IQCM: variants seen among roughly 807,000 people sequenced by gnomAD.
The protein encoded by IQCM is IQ domain-containing protein M.
A neutral mutation model predicts 57.6 loss-of-function variants in IQCM; 45 were observed. The observed-to-expected ratio is 0.78, with a 90% confidence interval of 0.62 to 1.00. The LOEUF is 1.00. IQCM is among the 50% of genes least tolerant of loss of function. IQCM has a pLI of 0.00. For synonymous variants in IQCM, 148 were observed against 158.9 expected (o/e 0.93, Z 0.51); for missense variants, 468 against 511.6 (o/e 0.91, Z 0.82).
intron 7 of IQCM, among the ~76,000 whole-genome samples, chr4:149,641,578 A>G (rs546262087): frequency 6.6e-6 from 1 of 152,286 alleles, no homozygotes; most frequent in South Asian, 2.1e-4. Flanking sequence ...CATTTTTTAA[A>G]CACAATAAAA....
chr4:149,607,594 T>C (rs1754906400), intron 8 of IQCM, among the ~76,000 whole-genome samples: 1 of 151,876 alleles, frequency 6.6e-6, no homozygotes, highest in South Asian at 2.1e-4. Context: ...AGATAAATAA[T>C]ATAAAAGATA....
At chr4:149,397,918 T>G (rs1456189868) in intron 13 of IQCM, among the ~76,000 whole-genome samples, 1 of 152,022 alleles carries the variant, frequency 6.6e-6, no homozygotes, top group African/African-American at 2.4e-5. Context: ...GTGCAGAGCT[T>G]TTTAGTTTAA....
At chr4:149,808,939 G>A (rs1229797612) in intron 2 of IQCM, among the ~76,000 whole-genome samples, 1 of 152,058 alleles carries the variant, frequency 6.6e-6, no homozygotes, top group East Asian at 1.9e-4. Flanking sequence ...TAAAAAGGTA[G>A]CAAACACTTT....
chr4:149,720,819 C>G (rs1305841940), intron 5 of IQCM, among the ~76,000 whole-genome samples: 1 of 152,154 alleles, frequency 6.6e-6, no homozygotes, highest in African/African-American at 2.4e-5. Context: ...AGAAATTTCA[C>G]AATAAGGATC....
intron 13 of IQCM, among the ~76,000 whole-genome samples, chr4:149,363,220 G>T (rs1729613131): frequency 6.6e-6 from 1 of 152,152 alleles, no homozygotes; most frequent in Admixed American, 6.5e-5. Context: ...ACTCCTTGTG[G>T]AATCACCACA....
chr4:149,724,925 A>G (rs1358847438), intron 5 of IQCM, among the ~76,000 whole-genome samples: 4 of 152,030 alleles, frequency 2.6e-5, no homozygotes, highest in African/African-American at 9.7e-5. Context: ...AATAATTTAA[A>G]ATTTAATAAT....
At chr4:149,416,419 T>A (rs1050843775) in intron 13 of IQCM, among the ~76,000 whole-genome samples, 26 of 152,160 alleles carry the variant, frequency 1.7e-4, no homozygotes, top group Non-Finnish European at 3.8e-4. Context: ...TAGGTGAGTA[T>A]TTTCTATGCT....
chr4:149,785,630 A>G lies in IQCM; in HGVS notation c.-49+29681T>C, dbSNP rs544033444. Among the ~76,000 whole-genome samples the G allele has an allele frequency of 2.6e-4, 39 of 149,970 alleles. No individual in the cohort carries two copies. The Middle Eastern group carries it at 0.01, about 40-fold the overall frequency. The stretch of plus-strand genomic sequence containing the variant: ...ATATTATCTCAACTTTAAGCATGAA[A>G]TTGTTAAAAAATGACCCAAAAAACT... On this transcript the variant is annotated intron_variant, in intron 2 of 13. Coordinates refer to ENST00000636793, the MANE Select transcript of IQCM (RefSeq NM_001363507.2).
chr4:149,695,697 C>T (rs1165933361), intron 5 of IQCM, among the ~76,000 whole-genome samples: 1 of 151,940 alleles, frequency 6.6e-6, no homozygotes, highest in Non-Finnish European at 1.5e-5. Context: ...TAAGAGAGGG[C>T]AAATAATACA....
intron 12 of IQCM, among the ~76,000 whole-genome samples, chr4:149,469,334 C>T (rs1446422805): frequency 6.6e-6 from 1 of 152,096 alleles, no homozygotes; most frequent in Non-Finnish European, 1.5e-5. Context: ...AATCCACAAG[C>T]TTCAGCAGCT....
At chr4:149,674,035 T>C (rs931473473) in intron 7 of IQCM, among the ~76,000 whole-genome samples, 55 of 152,164 alleles carry the variant, frequency 3.6e-4, no homozygotes, top group African/African-American at 1.3e-3. Context: ...TTAAAAATTA[T>C]TTTTTCATAT....
chr4:149,469,508 G>A lies in IQCM; in HGVS notation c.1229-35951C>T, dbSNP rs190649867. On this transcript the variant is annotated intron_variant, in intron 12 of 13. Coordinates refer to ENST00000636793, the MANE Select transcript of IQCM (RefSeq NM_001363507.2). ...AAATCTACATCTGATTGGTATACCT[G>A]AAAGTGACGGGGAGAATGGAAGCAA... 4.3e-3 allele frequency among the ~76,000 whole-genome samples: 651 copies of A among 152,344 alleles called. 3 individuals carry two copies. The highest frequency in any genetic ancestry group is 0.01 in the Middle Eastern group (3 of 294).
intron 12 of IQCM, among the ~76,000 whole-genome samples, chr4:149,519,305 T>C (rs1199156769): frequency 6.6e-6 from 1 of 152,220 alleles, no homozygotes; most frequent in Non-Finnish European, 1.5e-5. Flanking sequence ...TTTGCTTTTC[T>C]ATTAATCAGA....
At chr4:149,808,929 T>G (rs1165534257) in intron 2 of IQCM, among the ~76,000 whole-genome samples, 1 of 152,194 alleles carries the variant, frequency 6.6e-6, no homozygotes, top group African/African-American at 2.4e-5. Context: ...TAAATGGAAG[T>G]AAAAAGGTAG....
chr4:149,462,406 TC>T (rs1738401552), intron 12 of IQCM, among the ~76,000 whole-genome samples: 1 of 152,306 alleles, frequency 6.6e-6, no homozygotes, highest in African/African-American at 2.4e-5. Context: ...AAGCCCACTG[TC>T]CTCTTGTCCA....
chr4:149,515,674 G>T (rs779497529), intron 12 of IQCM, among the ~76,000 whole-genome samples: 1 of 152,186 alleles, frequency 6.6e-6, no homozygotes, highest in Non-Finnish European at 1.5e-5. Flanking sequence ...CGATTGGAGA[G>T]AACTCTGAGC....
chr4:149,468,638 G>T (rs1316278275), intron 12 of IQCM, among the ~76,000 whole-genome samples: 1 of 152,164 alleles, frequency 6.6e-6, no homozygotes, highest in East Asian at 1.9e-4. Flanking sequence ...GGTTCTCCCA[G>T]CATGGAGTTT....
intron 5 of IQCM, among the ~76,000 whole-genome samples, chr4:149,697,172 T>C (rs991801030): frequency 5.3e-5 from 8 of 152,124 alleles, no homozygotes; most frequent in Non-Finnish European, 1.0e-4. Context: ...TATGCCTATC[T>C]CTCTCTCAGC....
intron 13 of IQCM, among the ~76,000 whole-genome samples, chr4:149,405,506 T>G (rs1406874967): frequency 6.6e-6 from 1 of 151,694 alleles, no homozygotes; most frequent in Non-Finnish European, 1.5e-5. Context: ...CATGCATACC[T>G]ATGTATCAAA....
Sources: allele counts gnomAD v4.1 joint callset (sites outside exome capture counted in the v4.1 genomes callset), GRCh38; gene constraint gnomAD v4.1.1; transcripts MANE v1.5; gene names NCBI Gene and HGNC (gene_info 2026-07-23, HGNC 2026-07-21).